Variants in LMBR1 observed in about 807,000 individuals in gnomAD.
LMBR1 encodes the protein limb development membrane protein 1.
In LMBR1, 52 loss-of-function variants were observed where a neutral mutation model predicts 73.9. The ratio of observed to expected loss-of-function variants is 0.70; its 90% CI spans 0.56 to 0.89. LMBR1 has a LOEUF of 0.89. Among genes scored for constraint, LMBR1 ranks in the 40% least tolerant of loss-of-function variants. The pLI is 0.00. For missense variants in LMBR1, 539 were observed against 579.8 expected (o/e 0.93, Z 0.72); for synonymous variants, 215 against 209.4 (o/e 1.03, Z -0.23).
intron 1 of LMBR1, among the ~76,000 whole-genome samples, chr7:156,867,428 A>C (rs1036854564): frequency 6.6e-6 from 1 of 152,232 alleles, no homozygotes; most frequent in Non-Finnish European, 1.5e-5. Context: ...TGCTCAAAAG[A>C]AATGAAAACA....
chr7:156,885,377 G>C (rs1223072690), intron 1 of LMBR1, among the ~76,000 whole-genome samples: 3 of 151,294 alleles, frequency 2.0e-5, no homozygotes, highest in African/African-American at 7.3e-5. Context: ...AAAAGTCCCA[G>C]TCAACCCCAG....
intron 4 of LMBR1, among the ~76,000 whole-genome samples, chr7:156,810,357 C>G (rs1195652354): frequency 6.6e-6 from 1 of 152,144 alleles, no homozygotes; most frequent in Non-Finnish European, 1.5e-5. Flanking sequence ...GGCCCAAACA[C>G]CTCCCACTAG....
chr7:156,674,559 T>C (rs1343039931), downstream of LMBR1, among the ~76,000 whole-genome samples: 1 of 152,196 alleles, frequency 6.6e-6, no homozygotes. Flanking sequence ...GTGGCCACTC[T>C]GTAATGACTC....
chr7:156,803,833 G>A (rs1831480050), intron 4 of LMBR1, among the ~76,000 whole-genome samples: 1 of 151,914 alleles, frequency 6.6e-6, no homozygotes, highest in Admixed American at 6.6e-5. Flanking sequence ...ATGAGTTCAT[G>A]TCCTTTGTAG....
At chr7:156,748,886 C>T (rs76063123) in intron 9 of LMBR1, among the ~76,000 whole-genome samples, 4,513 of 152,196 alleles carry the variant, frequency 0.03, 93 homozygotes, top group Middle Eastern at 0.068. Flanking sequence ...CCTAAGCATT[C>T]CTCATTTACT....
chr7:156,828,684 A>G (rs768629316), intron 3 of LMBR1, among the ~76,000 whole-genome samples: 1 of 152,214 alleles, frequency 6.6e-6, no homozygotes, highest in Non-Finnish European at 1.5e-5. Flanking sequence ...ACCACCTTAA[A>G]TCACTTTAAC....
chr7:156,702,437 A>C (rs7791377), intron 15 of LMBR1, among the ~76,000 whole-genome samples: 24,650 of 151,984 alleles, frequency 0.16, 2,337 homozygotes, highest in African/African-American at 0.27. Flanking sequence ...TGAGAACTGT[A>C]TGTTCATGTC....
At position 156,680,062 on chromosome 7, in the gene LMBR1, C is replaced by G. The variant is rs958561935; in HGVS notation, c.*4016G>C. 1.3e-5 allele frequency: 2 copies of G among 151,324 alleles called. No homozygotes were observed. Among genetic ancestry groups the G allele is most frequent in the African/African-American group, 4.9e-5 (2 of 41,078 alleles). 9.4% of individuals were successfully genotyped at this position (151,324 alleles called of 1,614,324 possible). A position where few individuals can be genotyped will look rare whatever the true frequency, so the allele number is the denominator to read the frequency against. ...ACTTCTCCTGATATTACATTTTCTA[C>G]AGTGCAACAAGTAATTTGCGTACAC... On this transcript the variant is annotated 3_prime_UTR_variant, in exon 17 of 17. Coordinates refer to ENST00000353442, the MANE Select transcript of LMBR1 (RefSeq NM_022458.4).
At position 156,688,131 on chromosome 7, in the gene LMBR1, T is replaced by G. The variant is rs752383962; in HGVS notation, c.1286A>C (p.Tyr429Ser). ...FGRFNWLGNF[Y>S]IVLSYNLLFA... ...AAGCAAATTGTAGGATAATACAATA[T>G]AGAAATTTCCCAGCCAATTAAACCT... Residue 429 changes from tyrosine (Y) to serine (S), a missense_variant, in exon 16 of 17, where the codon TAT becomes TCT. Around this residue, in one of 3 missense-constraint regions of LMBR1, gnomAD observed 69 missense variants for 68.5 expected, o/e 1.01. Transcript: ENST00000353442. The G allele has an allele frequency of 6.8e-6, 11 of 1,610,936 alleles. No homozygotes were observed. The highest frequency in any genetic ancestry group is 1.3e-5 in the African/African-American group (1 of 74,744).
intron 5 of LMBR1, among the ~76,000 whole-genome samples, chr7:156,764,669 C>T (rs78339967): frequency 0.038 from 5,749 of 152,304 alleles, 162 homozygotes; most frequent in Middle Eastern, 0.054. Context: ...TATGTTATCT[C>T]ATTCCACATT....
intron 5 of LMBR1, among the ~76,000 whole-genome samples, chr7:156,777,142 A>G (rs1450620047): frequency 6.6e-6 from 1 of 152,050 alleles, no homozygotes; most frequent in Non-Finnish European, 1.5e-5. Context: ...TCACGGTGTT[A>G]ACCAGGATGG....
intron 5 of LMBR1, among the ~76,000 whole-genome samples, chr7:156,783,295 C>T (rs923765671): frequency 6.6e-6 from 1 of 152,080 alleles, no homozygotes. Flanking sequence ...CCTTTGCCTC[C>T]CGAGAAGCTG....
At chr7:156,850,238 G>T (rs966555790) in intron 1 of LMBR1, among the ~76,000 whole-genome samples, 1 of 152,126 alleles carries the variant, frequency 6.6e-6, no homozygotes, top group African/African-American at 2.4e-5. Context: ...TTGCCCTTCT[G>T]CCTTCCACCA....
At chr7:156,676,690 A>G, downstream of LMBR1, 1 of 1,542,218 alleles carries the variant, frequency 6.5e-7, no homozygotes, top group Non-Finnish European at 8.9e-7. Context: ...AATTCTGAGG[A>G]AAAAAGTTTA....
At chr7:156,769,582 A>G (rs1288097154) in intron 5 of LMBR1, among the ~76,000 whole-genome samples, 3 of 152,132 alleles carry the variant, frequency 2.0e-5, no homozygotes, top group Non-Finnish European at 2.9e-5. Flanking sequence ...GTCTGGTTCT[A>G]TCCTTACAAA....
chr7:156,893,073 C>G lies in LMBR1; in HGVS notation c.-80G>C, dbSNP rs926439286. ...CGTCCGCCCGCCGCAGGGGCTCGGA[C>G]AGCCGCGCCGGGGACCGGAGCCGGC... On this transcript the variant is annotated 5_prime_UTR_variant, in exon 1 of 17. Coordinates refer to ENST00000353442, the MANE Select transcript of LMBR1 (RefSeq NM_022458.4). 6 of 1,317,970 alleles carry G rather than the reference C, an allele frequency of 4.6e-6. No homozygotes were observed. The African/African-American group carries it at 4.7e-5, about 10-fold the overall frequency. The allele number at this position is 1,317,970 out of a possible 1,614,324, so 81.6% of individuals were successfully genotyped here. A position where few individuals can be genotyped will look rare whatever the true frequency, so the allele number is the denominator to read the frequency against.
At chr7:156,818,331 C>T (rs761707732) in intron 4 of LMBR1, among the ~76,000 whole-genome samples, 3 of 152,128 alleles carry the variant, frequency 2.0e-5, no homozygotes, top group Non-Finnish European at 2.9e-5. Context: ...AGTGACTTGT[C>T]GGATTCATTG....
intron 9 of LMBR1, among the ~76,000 whole-genome samples, chr7:156,739,204 G>A: frequency 6.6e-6 from 1 of 152,150 alleles, no homozygotes; most frequent in East Asian, 1.9e-4. Flanking sequence ...CTCCCCATGG[G>A]CTGGCAGTGG....
rs1805011690 is a variant in LMBR1 at position 156,681,449 on chromosome 7, G to A, written c.*2629C>T. 1 of 155,806 alleles carries A rather than the reference G, an allele frequency of 6.4e-6. No homozygotes were observed. Among genetic ancestry groups the A allele is most frequent in the Non-Finnish European group, 1.4e-5 (1 of 70,178 alleles). 9.7% of individuals were successfully genotyped at this position (155,806 alleles called of 1,614,324 possible). On this transcript the variant is annotated 3_prime_UTR_variant, in exon 17 of 17. Coordinates refer to ENST00000353442, the MANE Select transcript of LMBR1 (RefSeq NM_022458.4). ...TTACAGAGAATGTACATAAAGCTAC[G>A]TAAATAGTAAATCTAAGAAGTATCT...
Sources: gnomAD v4.1 joint callset for allele counts (sites outside exome capture counted in the v4.1 genomes callset) on GRCh38, gnomAD v4.1.1 for gene constraint, gnomAD v4.1.1 regional missense constraint, MANE v1.5 for transcripts, NCBI Gene and HGNC (gene_info 2026-07-23, HGNC 2026-07-21) for gene names.